GCLC: variants seen among roughly 807,000 people sequenced by gnomAD.
GCLC encodes the protein glutamate--cysteine ligase catalytic subunit.
A neutral mutation model predicts 81.5 loss-of-function variants in GCLC; 30 were observed. The ratio of observed to expected loss-of-function variants is 0.37; its 90% CI spans 0.28 to 0.50. The LOEUF (loss-of-function observed/expected upper bound fraction) is 0.50, where lower values mean the gene tolerates loss of function less well. Ranked by LOEUF, GCLC falls within the 20% of genes least tolerant of loss-of-function variation. GCLC has a pLI of 0.96. For synonymous variants in GCLC, 262 were observed against 273.3 expected, an observed-to-expected ratio of 0.96 and a Z score of 0.41; for missense variants, 556 against 777.4, an observed-to-expected ratio of 0.72 and a Z score of 3.39.
intron 2 of GCLC, among the ~76,000 whole-genome samples, chr6:53,521,503 A>C (rs994723014): frequency 9.2e-5 from 14 of 152,174 alleles, no homozygotes; most frequent in African/African-American, 3.4e-4. Context: ...CTCACTGTCC[A>C]GGACAAACTA....
At chr6:53,509,052 T>C in intron 7 of GCLC, 124 bp downstream of exon 7, 1 of 702,760 alleles carries the variant, frequency 1.4e-6, no homozygotes, top group Non-Finnish European at 2.6e-6. Context: ...ACATACTATT[T>C]ATATTAGTCC....
chr6:53,530,910 A>G (rs1763160609), intron 1 of GCLC, among the ~76,000 whole-genome samples: 1 of 152,134 alleles, frequency 6.6e-6, no homozygotes, highest in Non-Finnish European at 1.5e-5. Context: ...TTTGGAGCCT[A>G]TTAAAACTGT....
At chr6:53,537,415 A>C (rs1168304599) in intron 1 of GCLC, among the ~76,000 whole-genome samples, 2 of 152,206 alleles carry the variant, frequency 1.3e-5, no homozygotes, top group Non-Finnish European at 2.9e-5. Context: ...AATCTTTGTA[A>C]TGCCTATTAA....
intron 1 of GCLC, among the ~76,000 whole-genome samples, chr6:53,539,581 T>C (rs772534500): frequency 1.3e-5 from 2 of 151,418 alleles, no homozygotes; most frequent in Admixed American, 6.6e-5. Flanking sequence ...CTTCCAACCA[T>C]ACCTATGGCG....
At position 53,500,368 on chromosome 6, in the gene GCLC, CA is replaced by C. The variant is rs2127618642; in HGVS notation, c.1478-19del. On this transcript the variant is annotated intron_variant, in intron 13 of 15. Transcript: ENST00000650454. ...ATTGCCACCTGCCGGAGAAGAGGGTCAGGGGAGCTTTAGCAGCTTGTTGCAG... is the reference window on the plus strand; with the variant it reads ...ATTGCCACCTGCCGGAGAAGAGGGTCGGGGAGCTTTAGCAGCTTGTTGCAG... The C allele has an allele frequency of 6.2e-7, 1 of 1,612,610 alleles. No homozygotes were observed. Among genetic ancestry groups the C allele is most frequent in the Non-Finnish European group, 8.5e-7 (1 of 1,178,588 alleles).
At chr6:53,499,996 T>A (rs768634485) in intron 15 of GCLC, 49 bp downstream of exon 15, 1 of 1,338,196 alleles carries the variant, frequency 7.5e-7, no homozygotes, top group Admixed American at 1.7e-5. Flanking sequence ...CATTCTAAGA[T>A]TATACCATGC....
At chr6:53,535,020 A>G (rs943171344) in intron 1 of GCLC, among the ~76,000 whole-genome samples, 5 of 152,198 alleles carry the variant, frequency 3.3e-5, no homozygotes, top group African/African-American at 1.2e-4. Flanking sequence ...AACCAGTTGA[A>G]AAAGAATAAA....
intron 2 of GCLC, among the ~76,000 whole-genome samples, chr6:53,521,452 A>G (rs533950765): frequency 1.3e-4 from 19 of 151,992 alleles, no homozygotes; most frequent in Middle Eastern, 6.8e-3. Context: ...ACCATGCCCA[A>G]CCCAAAATCT....
rs367759738 is a variant in GCLC, at chr6:53,544,502, G to A, written c.144C>T (p.Gly48=). Residue 48 remains glycine, a synonymous_variant, in exon 1 of 16, where the codon GGC becomes GGT. Coordinates refer to ENST00000650454, the MANE Select transcript of GCLC (RefSeq NM_001498.4). ...GGGGACCGCGGGCGCTCACCTCATCGCCCCACTTGAGAACGTCCTTGTGCC... is the reference window on the plus strand; with the variant it reads ...GGGGACCGCGGGCGCTCACCTCATCACCCCACTTGAGAACGTCCTTGTGCC... ...KDRHKDVLKW[G]DEVEYMLVSF... is the part of the protein sequence containing the mutation. 3.7e-6 allele frequency: 6 copies of A among 1,607,792 alleles called. No homozygotes were observed. The highest frequency in any genetic ancestry group is 5.1e-6 in the Non-Finnish European group (6 of 1,179,540).
intron 12 of GCLC, chr6:53,501,048 C>T (rs1392925104): frequency 5.2e-6 from 1 of 191,408 alleles, no homozygotes; most frequent in Non-Finnish European, 1.1e-5. Context: ...TCCCAAGCAG[C>T]TGGGATTACA....
Position 53,504,557 on chromosome 6 carries a change from G to A in GCLC, c.1395+835C>T, listed in dbSNP as rs1476522173. ...CCCAGTAGGTAGGCATGAGGGCAAT[G>A]TGGGCCCACAGAGTTCTGTGGGTGA... On this transcript the variant is annotated intron_variant, in intron 12 of 15. Coordinates refer to ENST00000650454, the MANE Select transcript of GCLC (RefSeq NM_001498.4). Among the ~76,000 whole-genome samples the A allele has an allele frequency of 2.6e-5, 4 of 152,208 alleles. No homozygotes were observed. In the East Asian group the frequency reaches 7.7e-4, roughly 29 times the overall value.
rs1231403871 is a variant in GCLC, at chr6:53,514,236, T to C, written c.721A>G (p.Met241Val). 4 of 1,613,850 alleles carry C rather than the reference T, an allele frequency of 2.5e-6. No homozygotes were observed. The highest frequency in any genetic ancestry group is 1.3e-5 in the African/African-American group (1 of 74,956). Reference protein sequence around the residue: ...SKPDHIYMDAMGFGMGNCCLQ... With the variant: ...SKPDHIYMDAVGFGMGNCCLQ... ...CAGCAATTGCCCATTCCAAATCCCA[T>C]GGCATCCATGTAAATATGATCCGGC... Residue 241 changes from methionine (M) to valine (V), a missense_variant, in exon 6 of 16, where the codon ATG becomes GTG. This residue lies in a region of GCLC where 234 missense variants were observed against 303.8 expected (regional missense o/e 0.77). Coordinates refer to ENST00000650454, the MANE Select transcript of GCLC (RefSeq NM_001498.4).
chr6:53,523,962 A>G (rs1763040633), intron 1 of GCLC: 1 of 152,236 alleles, frequency 6.6e-6, no homozygotes, highest in African/African-American at 2.4e-5. Context: ...GTGTCAGCTG[A>G]CTAAAAACTA....
chr6:53,525,490 C>T (rs1323034827), intron 1 of GCLC, among the ~76,000 whole-genome samples: 3 of 152,170 alleles, frequency 2.0e-5, no homozygotes, highest in African/African-American at 7.2e-5. Context: ...CCATTCTAAA[C>T]TTCATTTTTG....
chr6:53,531,433 G>C (rs1763170641), intron 1 of GCLC, among the ~76,000 whole-genome samples: 1 of 152,134 alleles, frequency 6.6e-6, no homozygotes, highest in South Asian at 2.1e-4. Flanking sequence ...GGAAGACCAT[G>C]GTCCTTCAGC....
At chr6:53,531,611 A>T (rs1482542946) in intron 1 of GCLC, among the ~76,000 whole-genome samples, 2 of 152,196 alleles carry the variant, frequency 1.3e-5, no homozygotes, top group African/African-American at 4.8e-5. Context: ...TACAACAATC[A>T]CTTCAAGGCC....
At chr6:53,535,062 C>T (rs1387150651) in intron 1 of GCLC, among the ~76,000 whole-genome samples, 1 of 152,114 alleles carries the variant, frequency 6.6e-6, no homozygotes, top group Non-Finnish European at 1.5e-5. Context: ...GATCTCATGG[C>T]TTATTATAAA....
chr6:53,543,824 C>T (rs1465737581), intron 1 of GCLC, among the ~76,000 whole-genome samples: 1 of 152,132 alleles, frequency 6.6e-6, no homozygotes, highest in Non-Finnish European at 1.5e-5. Context: ...AGTTGCTGGA[C>T]CTAGGCCATG....
At position 53,514,279 on chromosome 6, in the gene GCLC, T is replaced by A; in HGVS notation, c.678A>T (p.Glu226Asp). ...GATCCGGCTTAGAAGCCCTTGAAGCTTCATCATCCTCAGTAAATGTTTCTA... is the reference window on the plus strand; with the variant it reads ...GATCCGGCTTAGAAGCCCTTGAAGCATCATCATCCTCAGTAAATGTTTCTA... Reference protein sequence around the residue: ...PFIETFTEDDEASRASKPDHI... With the variant: ...PFIETFTEDDDASRASKPDHI... Residue 226 changes from glutamate (E) to aspartate (D), a missense_variant, in exon 6 of 16, where the codon GAA becomes GAT. Around this residue, in one of 3 missense-constraint regions of GCLC, gnomAD observed 234 missense variants for 303.8 expected, o/e 0.77. Transcript: ENST00000650454. 6.2e-7 allele frequency: 1 copy of A among 1,607,152 alleles called. No individual in the cohort carries two copies. The highest frequency in any genetic ancestry group is 8.5e-7 in the Non-Finnish European group (1 of 1,173,646).
Sources: gnomAD v4.1 joint callset for allele counts (sites outside exome capture counted in the v4.1 genomes callset) on GRCh38, gnomAD v4.1.1 for gene constraint, gnomAD v4.1.1 regional missense constraint, MANE v1.5 for transcripts, NCBI Gene and HGNC (gene_info 2026-07-23, HGNC 2026-07-21) for gene names.